Variants in SLC2A5 observed in about 807,000 individuals in gnomAD.
The protein encoded by SLC2A5 is solute carrier family 2 member 5, also known as solute carrier family 2, facilitated glucose transporter member 5.
A neutral mutation model predicts 50.3 loss-of-function variants in SLC2A5; 56 were observed. The observed-to-expected ratio is 1.11, with a 90% confidence interval of 0.90 to 1.39. The LOEUF (loss-of-function observed/expected upper bound fraction) is 1.39. Among genes scored for constraint, SLC2A5 ranks in the 40% most tolerant of loss-of-function variants. SLC2A5 has a pLI of 0.00. For synonymous variants in SLC2A5, 269 were observed against 281.9 expected (o/e 0.95, Z 0.46); for missense variants, 566 against 650.1 (o/e 0.87, Z 1.41).
upstream of SLC2A5, among the ~76,000 whole-genome samples, chr1:9,073,816 G>T (rs879830961): frequency 6.6e-6 from 1 of 152,160 alleles, no homozygotes; most frequent in South Asian, 2.1e-4. Flanking sequence ...GGCCGGGCGC[G>T]GTGGCTCACG....
upstream of SLC2A5, chr1:9,073,100 G>A (rs1430606200): frequency 2.6e-5 from 4 of 152,132 alleles, no homozygotes; most frequent in African/African-American, 7.2e-5. Flanking sequence ...GCACATCTCC[G>A]GGCTGTTCTG....
chr1:9,038,430 C>T lies in SLC2A5; in HGVS notation c.1174+1G>A, dbSNP rs1485079694. The stretch of plus-strand genomic sequence containing the variant: ...CCCTGAGGCCAGCTTTGGGTACGTA[C>T]TGGGCCCGAGGGCATGTCCTATGAC... On this transcript the variant is annotated splice_donor_variant, in intron 10 of 11. Coordinates refer to ENST00000377424, the MANE Select transcript of SLC2A5 (RefSeq NM_003039.3). LOFTEE classifies it high-confidence loss of function. 1.9e-6 allele frequency: 3 copies of T among 1,611,604 alleles called. No individual in the cohort carries two copies. The highest frequency in any genetic ancestry group is 1.1e-5 in the South Asian group (1 of 90,892).
intron 9 of SLC2A5, 72 bp downstream of exon 9, chr1:9,038,756 A>C (rs934309672): frequency 1.3e-5 from 19 of 1,494,350 alleles, no homozygotes; most frequent in Middle Eastern, 1.7e-4. Context: ...AGGCAGGTGG[A>C]GGCGCAGGAT....
chr1:9,060,562 C>CA (rs1641908911), intron 1 of SLC2A5, among the ~76,000 whole-genome samples: 1 of 142,220 alleles, frequency 7.0e-6, no homozygotes, highest in Non-Finnish European at 1.5e-5. Flanking sequence ...CACACACACA[C>CA]CACACACATA....
At position 9,040,589 on chromosome 1, in the gene SLC2A5, C is replaced by T; in HGVS notation, c.572-400G>A. 5.3e-6 allele frequency: 1 copy of T among 189,706 alleles called. No individual in the cohort carries two copies. The highest frequency in any genetic ancestry group is 1.3e-4 in the South Asian group (1 of 7,778). 11.8% of individuals were successfully genotyped at this position (189,706 alleles called of 1,614,324 possible). A position where few individuals can be genotyped will look rare whatever the true frequency, so the allele number is the denominator to read the frequency against. On this transcript the variant is annotated intron_variant, in intron 5 of 11. Coordinates refer to ENST00000377424, the MANE Select transcript of SLC2A5 (RefSeq NM_003039.3). This position sits in a 1 kb window ranked among gnomAD's most constrained non-coding sequence, Gnocchi z 4.3. ...CTGAACTGGAATGGTCACGGCAGCT[C>T]TGATTACAGAAAGGACACCAGAAAC...
rs1641633847 is a variant in SLC2A5, at chr1:9,053,155, TTTA to T, written c.293+4290_293+4292del. Among the ~76,000 whole-genome samples the T allele has an allele frequency of 7.8e-5, 6 of 76,792 alleles. No homozygotes were observed. In the South Asian group the frequency reaches 2.0e-3, roughly 25 times the overall value. The allele number at this position is 76,792 out of a possible 152,430, so 50.4% of individuals were successfully genotyped here. Reference sequence around the variant, plus strand: ...CATATATTTATATGTTAATATATATTTTATATATTTATATATTTTATATATTTA... The same window carrying T: ...CATATATTTATATGTTAATATATATTTATATTTATATATTTTATATATTTA... On this transcript the variant is annotated intron_variant, in intron 3 of 11. Coordinates refer to ENST00000377424, the MANE Select transcript of SLC2A5 (RefSeq NM_003039.3).
chr1:9,047,687 A>G lies in SLC2A5; in HGVS notation c.341T>C (p.Ile114Thr). The G allele has an allele frequency of 6.2e-7, 1 of 1,614,016 alleles. No individual in the cohort carries two copies. Among genetic ancestry groups the G allele is most frequent in the Non-Finnish European group, 8.5e-7 (1 of 1,179,866 alleles). The stretch of plus-strand genomic sequence containing the variant: ...GGCGACTCTGCTGCATCCCATTAAG[A>G]TCGCAGGCACGATAGAAAATATGTT... The part of the protein sequence containing the change: ...FNNIFSIVPA[I>T]LMGCSRVATS... The change falls in exon 4 of 12, where the codon ATC becomes ACC. Residue 114 changes from isoleucine (I) to threonine (T), a missense_variant. Ile to Thr is a moderately conservative substitution (Grantham distance 89, BLOSUM62 -1). Coordinates refer to ENST00000377424, the MANE Select transcript of SLC2A5 (RefSeq NM_003039.3).
chr1:9,047,687 A>T lies in SLC2A5; in HGVS notation c.341T>A (p.Ile114Asn). The T allele has an allele frequency of 1.2e-6, 2 of 1,614,016 alleles. No homozygotes were observed. Among genetic ancestry groups the T allele is most frequent in the Middle Eastern group, 1.6e-4 (1 of 6,062 alleles). Reference sequence around the variant, plus strand: ...GGCGACTCTGCTGCATCCCATTAAGATCGCAGGCACGATAGAAAATATGTT... The same window carrying T: ...GGCGACTCTGCTGCATCCCATTAAGTTCGCAGGCACGATAGAAAATATGTT... The part of the protein sequence containing the change: ...FNNIFSIVPA[I>N]LMGCSRVATS... Residue 114 changes from isoleucine to asparagine, a missense_variant, in exon 4 of 12, where the codon ATC becomes AAC. Coordinates refer to ENST00000377424, the MANE Select transcript of SLC2A5 (RefSeq NM_003039.3).
chr1:9,040,379 C>T lies in SLC2A5; in HGVS notation c.572-190G>A, dbSNP rs1399331338. 1.7e-5 allele frequency: 11 copies of T among 659,720 alleles called. No individual in the cohort carries two copies. Among genetic ancestry groups the T allele is most frequent in the Non-Finnish European group, 2.8e-5 (11 of 394,504 alleles). 40.9% of individuals were successfully genotyped at this position (659,720 alleles called of 1,614,324 possible). ...AAACACCTGCAGCAGGGATCAGCAGCGACGCACCCCTGCGCCCATCAGACA... is the reference window on the plus strand; with the variant it reads ...AAACACCTGCAGCAGGGATCAGCAGTGACGCACCCCTGCGCCCATCAGACA... On this transcript the variant is annotated intron_variant, in intron 5 of 11. Coordinates refer to ENST00000377424, the MANE Select transcript of SLC2A5 (RefSeq NM_003039.3). The surrounding 1 kb of genome is among the most constrained non-coding windows in gnomAD (Gnocchi z 4.3).
chr1:9,059,484 C>T (rs1381117295), intron 1 of SLC2A5, among the ~76,000 whole-genome samples: 2 of 150,694 alleles, frequency 1.3e-5, no homozygotes, highest in African/African-American at 4.9e-5. Context: ...CATGCTTGGC[C>T]CTCCAGTGAC....
intron 1 of SLC2A5, among the ~76,000 whole-genome samples, chr1:9,065,741 T>C (rs1005125732): frequency 6.6e-6 from 1 of 152,160 alleles, no homozygotes; most frequent in African/African-American, 2.4e-5. Context: ...TCCATGCCTA[T>C]AATCCCAGCA....
intron 1 of SLC2A5, among the ~76,000 whole-genome samples, chr1:9,063,681 CTTTTTTTTTTTT>C (rs70985579): frequency 8.9e-5 from 4 of 45,142 alleles, no homozygotes; most frequent in Non-Finnish European, 1.1e-4. Flanking sequence ...CTATTATTTA[CTTTTTTTTTTTT>C]TTTTTTTTTT....
upstream of SLC2A5, among the ~76,000 whole-genome samples, chr1:9,090,290 A>G (rs1294055417): frequency 6.6e-6 from 1 of 152,170 alleles, no homozygotes; most frequent in Non-Finnish European, 1.5e-5. Context: ...AGTAAACCCC[A>G]TAGTATGGAA....
chr1:9,093,913 G>A, the SLC2A5 span, among the ~76,000 whole-genome samples: 5 of 152,088 alleles, frequency 3.3e-5, no homozygotes, highest in African/African-American at 1.2e-4. Flanking sequence ...CTGACATGCT[G>A]GTCGGCAATT....
rs569062029 is a variant in SLC2A5, at chr1:9,040,255, GCCGGCC to G, written c.572-72_572-67del. The G allele has an allele frequency of 2.0e-6, 3 of 1,512,792 alleles. No individual in the cohort carries two copies. The South Asian group carries it at 3.8e-5, about 19-fold the overall frequency. The allele number at this position is 1,512,792 out of a possible 1,614,324, so 93.7% of individuals were successfully genotyped here. On this transcript the variant is annotated intron_variant, in intron 5 of 11. Transcript: ENST00000377424. This position sits in a 1 kb window ranked among gnomAD's most constrained non-coding sequence, Gnocchi z 4.3. Reference sequence around the variant, plus strand: ...CCACCCCGAAGGCGCCCTCTGCAGAGCCGGCCCCAGCCCCGTCATCCTGAGTGGGGT... The same window carrying G: ...CCACCCCGAAGGCGCCCTCTGCAGAGCCAGCCCCGTCATCCTGAGTGGGGT...
chr1:9,082,531 T>C (rs1194637050), intron 2 of SLC2A5, among the ~76,000 whole-genome samples: 1 of 151,810 alleles, frequency 6.6e-6, no homozygotes, highest in South Asian at 2.1e-4. Flanking sequence ...CTTGGCAACA[T>C]AGGGAGACCC....
intron 2 of SLC2A5, among the ~76,000 whole-genome samples, chr1:9,084,821 G>A (rs1491003181): frequency 6.6e-6 from 1 of 152,212 alleles, no homozygotes; most frequent in African/African-American, 2.4e-5. Flanking sequence ...CATCACCTGG[G>A]AGCTGGTTAG....
Position 9,059,536 on chromosome 1 carries a change from C to CTTTTTTTTTTTTTTT in SLC2A5, c.34-1301_34-1287dup, listed in dbSNP as rs58395185. 1.1e-4 allele frequency among the ~76,000 whole-genome samples: 11 copies of CTTTTTTTTTTTTTTT among 98,410 alleles called. 3 individuals are homozygous for CTTTTTTTTTTTTTTT. Among genetic ancestry groups the CTTTTTTTTTTTTTTT allele is most frequent in the African/African-American group, 2.8e-4 (6 of 21,674 alleles). 64.6% of individuals were successfully genotyped at this position (98,410 alleles called of 152,430 possible). ...CACGGTATCTAAATCTACAGAGAAT[C>CTTTTTTTTTTTTTTT]TTTTTTTTTTTTTTTTTTCTGAGAC... On this transcript the variant is annotated intron_variant, in intron 1 of 11. Transcript: ENST00000377424.
chr1:9,057,885 C>G (rs969611928), intron 2 of SLC2A5, among the ~76,000 whole-genome samples: 1 of 152,092 alleles, frequency 6.6e-6, no homozygotes, highest in Non-Finnish European at 1.5e-5. Flanking sequence ...GACCCCTGGC[C>G]CCCCCGGATT....
Sources: allele counts gnomAD v4.1 joint callset (sites outside exome capture counted in the v4.1 genomes callset), GRCh38; gene constraint gnomAD v4.1.1; non-coding constraint Gnocchi (gnomAD v3.1); transcripts MANE v1.5; gene names NCBI Gene and HGNC (gene_info 2026-07-23, HGNC 2026-07-21).